The following ROBO1 variants were observed in gnomAD, a reference collection of about 807,000 sequenced individuals.
ROBO1 encodes roundabout homolog 1.
ROBO1 carries 149 observed loss-of-function variants against 195.9 expected under a neutral mutation model. The observed-to-expected ratio is 0.76, with a 90% confidence interval of 0.67 to 0.87. ROBO1 has a LOEUF of 0.87. Ranked by LOEUF, ROBO1 falls within the 40% of genes least tolerant of loss-of-function variation. ROBO1 has a pLI of 0.00. For synonymous variants in ROBO1, 816 were observed against 733.2 expected, an observed-to-expected ratio of 1.11 and a Z score of -1.82; for missense variants, 1,933 against 2,068.3, an observed-to-expected ratio of 0.93 and a Z score of 1.27.
chr3:79,630,483 A>T (rs1394166749), intron 1 of ROBO1, among the ~76,000 whole-genome samples: 3 of 151,978 alleles, frequency 2.0e-5, no homozygotes, highest in Non-Finnish European at 4.4e-5. Context: ...GCATCAAAGA[A>T]TCATACCTCA....
At chr3:78,840,401 TAAAATAATTAA>T in intron 4 of ROBO1, among the ~76,000 whole-genome samples, 1 of 152,284 alleles carries the variant, frequency 6.6e-6, no homozygotes, top group African/African-American at 2.4e-5. Flanking sequence ...ATAATATTTT[TAAAATAATTAA>T]AATTTACTGA....
intron 2 of ROBO1, among the ~76,000 whole-genome samples, chr3:79,361,682 G>T: frequency 6.6e-6 from 1 of 151,974 alleles, no homozygotes; most frequent in East Asian, 1.9e-4. Context: ...ATATTCATTT[G>T]TTGTTTGAGC....
intron 14 of ROBO1, among the ~76,000 whole-genome samples, chr3:78,663,109 A>G (rs1054241734): frequency 4.6e-5 from 7 of 151,986 alleles, no homozygotes; most frequent in African/African-American, 1.7e-4. Flanking sequence ...TTAAAATGAG[A>G]ATTTTAGTTT....
intron 4 of ROBO1, among the ~76,000 whole-genome samples, chr3:78,799,642 T>C (rs1482436294): frequency 6.6e-6 from 1 of 151,866 alleles, no homozygotes; most frequent in Admixed American, 6.6e-5. Context: ...CGCCCGGCCC[T>C]ACTCTACCAT....
chr3:79,387,531 G>A (rs888836230), intron 2 of ROBO1, among the ~76,000 whole-genome samples: 1 of 151,460 alleles, frequency 6.6e-6, no homozygotes, highest in African/African-American at 2.4e-5. Context: ...TTAGTAAAAT[G>A]CCATCATGGT....
At chr3:79,379,903 A>G (rs2036513796) in intron 2 of ROBO1, among the ~76,000 whole-genome samples, 1 of 152,198 alleles carries the variant, frequency 6.6e-6, no homozygotes, top group Admixed American at 6.5e-5. Context: ...CAAGCACTCA[A>G]GGTGATTTTG....
At chr3:79,017,046 C>T (rs2077959307) in intron 3 of ROBO1, among the ~76,000 whole-genome samples, 1 of 152,148 alleles carries the variant, frequency 6.6e-6, no homozygotes, top group Non-Finnish European at 1.5e-5. Flanking sequence ...AGTTAGTCTA[C>T]TCATCCCTCC....
At chr3:79,140,444 G>A (rs2080501348) in intron 2 of ROBO1, among the ~76,000 whole-genome samples, 2 of 151,968 alleles carry the variant, frequency 1.3e-5, no homozygotes, top group Admixed American at 1.3e-4. Context: ...ATTATTTATT[G>A]ATTGGCCTCA....
chr3:79,291,484 T>C (rs952989565), intron 2 of ROBO1, among the ~76,000 whole-genome samples: 2 of 152,186 alleles, frequency 1.3e-5, no homozygotes, highest in African/African-American at 4.8e-5. Flanking sequence ...ATGTTTTTCA[T>C]TGCTCTCCCA....
At chr3:79,561,904 A>G (rs1942934125) in intron 2 of ROBO1, among the ~76,000 whole-genome samples, 1 of 152,142 alleles carries the variant, frequency 6.6e-6, no homozygotes, top group Non-Finnish European at 1.5e-5. Flanking sequence ...AGGAGACAGG[A>G]GTGGTACCTC....
Position 78,945,139 on chromosome 3 carries a change from A to C in ROBO1, c.173-6212T>G, listed in dbSNP as rs192803736. Among the ~76,000 whole-genome samples, 7 of 152,310 alleles carry C rather than the reference A, an allele frequency of 4.6e-5. No homozygotes were observed. In the East Asian group the frequency reaches 1.4e-3, roughly 29 times the overall value. ...GATAGCAGTAACCTCTGCAGATTTAAATGTCCCTCTCTGACAGCTTTGAAG... is the reference window on the plus strand; with the variant it reads ...GATAGCAGTAACCTCTGCAGATTTACATGTCCCTCTCTGACAGCTTTGAAG... On this transcript the variant is annotated intron_variant, in intron 3 of 30. Coordinates refer to ENST00000464233, the MANE Select transcript of ROBO1 (RefSeq NM_002941.4).
intron 2 of ROBO1, among the ~76,000 whole-genome samples, chr3:79,289,173 A>C (rs1349755415): frequency 6.6e-6 from 1 of 152,126 alleles, no homozygotes; most frequent in Non-Finnish European, 1.5e-5. Context: ...CATTAAAAAC[A>C]TTCTTCCTTA....
chr3:78,895,831 G>A (rs1397125657), intron 4 of ROBO1, among the ~76,000 whole-genome samples: 1 of 152,186 alleles, frequency 6.6e-6, no homozygotes, highest in South Asian at 2.1e-4. Flanking sequence ...AACATTTGAT[G>A]TATTTCAGAT....
intron 1 of ROBO1, among the ~76,000 whole-genome samples, chr3:79,755,369 A>G (rs564333629): frequency 6.6e-6 from 1 of 152,298 alleles, no homozygotes; most frequent in South Asian, 2.1e-4. Flanking sequence ...AACAGCATCA[A>G]GCAAAAGAGT....
chr3:78,860,078 C>CAAA (rs532903511), intron 4 of ROBO1, among the ~76,000 whole-genome samples: 1 of 77,080 alleles, frequency 1.3e-5, no homozygotes, highest in African/African-American at 4.8e-5. Context: ...GACTTCGTCT[C>CAAA]AAAAAAAAAA....
At chr3:78,855,625 A>T (rs999759704) in intron 4 of ROBO1, among the ~76,000 whole-genome samples, 1 of 152,194 alleles carries the variant, frequency 6.6e-6, no homozygotes, top group Non-Finnish European at 1.5e-5. Context: ...TTTACTTATT[A>T]TTATGTGTCT....
chr3:78,619,017 A>G (rs1049531219), intron 26 of ROBO1, among the ~76,000 whole-genome samples: 1 of 152,224 alleles, frequency 6.6e-6, no homozygotes, highest in African/African-American at 2.4e-5. Context: ...GGAGAATGCT[A>G]AGAGAATAAC....
chr3:79,198,521 G>A (rs529379441), intron 2 of ROBO1, among the ~76,000 whole-genome samples: 91 of 152,020 alleles, frequency 6.0e-4, no homozygotes, highest in Admixed American at 1.4e-3. Flanking sequence ...GGCTATGAGG[G>A]GTCTTTTTTG....
At chr3:78,873,725 G>A (rs1050833460) in intron 4 of ROBO1, among the ~76,000 whole-genome samples, 6 of 151,972 alleles carry the variant, frequency 3.9e-5, no homozygotes, top group African/African-American at 1.4e-4. Flanking sequence ...TGCTTTCCTG[G>A]GAAGAAAAGT....
Sources: allele counts gnomAD v4.1 joint callset (sites outside exome capture counted in the v4.1 genomes callset), GRCh38; gene constraint gnomAD v4.1.1; transcripts MANE v1.5; gene names NCBI Gene and HGNC (gene_info 2026-07-23, HGNC 2026-07-21).